Variants in DSCAM observed in about 807,000 individuals in gnomAD.
DSCAM encodes cell adhesion molecule DSCAM.
A neutral mutation model predicts 217.7 loss-of-function variants in DSCAM; 47 were observed. That is an observed-to-expected ratio of 0.22 (90% CI 0.17 to 0.28). The LOEUF is 0.28. Ranked by LOEUF, DSCAM falls within the 10% of genes least tolerant of loss-of-function variation. The pLI is 1.00. For synonymous variants in DSCAM, 1,056 were observed against 1,015.3 expected (o/e 1.04, Z -0.76); for missense variants, 2,080 against 2,618.3 (o/e 0.79, Z 4.49).
intron 11 of DSCAM, among the ~76,000 whole-genome samples, chr21:40,207,723 A>G (rs1334096722): frequency 6.6e-6 from 1 of 152,228 alleles, no homozygotes; most frequent in East Asian, 1.9e-4. Context: ...ATAATAAATT[A>G]TCATGGATTG....
chr21:40,766,239 C>T (rs1253587474), intron 1 of DSCAM, among the ~76,000 whole-genome samples: 2 of 151,768 alleles, frequency 1.3e-5, no homozygotes, highest in Non-Finnish European at 2.9e-5. Flanking sequence ...TGTTAGGACC[C>T]GATTACAAAG....
At chr21:40,098,145 AG>A (rs1898257884) in intron 20 of DSCAM, among the ~76,000 whole-genome samples, 1 of 152,124 alleles carries the variant, frequency 6.6e-6, no homozygotes, top group African/African-American at 2.4e-5. Flanking sequence ...TTAAAAGCAA[AG>A]GATATTACCA....
chr21:40,496,061 T>C (rs1481521791), intron 3 of DSCAM, among the ~76,000 whole-genome samples: 4 of 152,226 alleles, frequency 2.6e-5, no homozygotes, highest in Non-Finnish European at 4.4e-5. Flanking sequence ...TCTATGTTTA[T>C]GGATTGGAAT....
chr21:40,484,236 G>C (rs2076006448), intron 3 of DSCAM, among the ~76,000 whole-genome samples: 1 of 152,220 alleles, frequency 6.6e-6, no homozygotes, highest in African/African-American at 2.4e-5. Flanking sequence ...ATTGTGAAAG[G>C]TGGAAGTGGG....
At chr21:40,663,212 C>A (rs1187420022) in intron 3 of DSCAM, among the ~76,000 whole-genome samples, 1 of 126,870 alleles carries the variant, frequency 7.9e-6, no homozygotes, top group Non-Finnish European at 1.6e-5. Context: ...GAGTGTATGT[C>A]TGTGCATGGT....
chr21:40,303,768 T>C (rs946062783), intron 9 of DSCAM, among the ~76,000 whole-genome samples: 1 of 152,240 alleles, frequency 6.6e-6, no homozygotes, highest in African/African-American at 2.4e-5. Context: ...CAACCTTCTA[T>C]GATTTTCATT....
chr21:40,194,804 T>G (rs962343030), intron 11 of DSCAM, among the ~76,000 whole-genome samples: 1 of 152,168 alleles, frequency 6.6e-6, no homozygotes, highest in East Asian at 1.9e-4. Context: ...TCTGCCCAGC[T>G]TGGCAGTGCA....
intron 3 of DSCAM, among the ~76,000 whole-genome samples, chr21:40,484,012 A>G (rs1041504428): frequency 6.6e-6 from 1 of 152,190 alleles, no homozygotes; most frequent in Non-Finnish European, 1.5e-5. Flanking sequence ...ATAATTACGA[A>G]CTGTTAATTC....
At chr21:40,512,804 T>C (rs73228111) in intron 3 of DSCAM, among the ~76,000 whole-genome samples, 1,867 of 151,896 alleles carry the variant, frequency 0.012, 8 homozygotes, top group Non-Finnish European at 0.018. Flanking sequence ...ACTGCGTCCC[T>C]AGTGGCCATT....
intron 1 of DSCAM, among the ~76,000 whole-genome samples, chr21:40,826,127 A>C (rs1293394553): frequency 6.6e-6 from 1 of 152,256 alleles, no homozygotes; most frequent in Non-Finnish European, 1.5e-5. Context: ...AGAAACCTGA[A>C]GCATGGCAAG....
chr21:40,099,894 T>C (rs998648576), intron 20 of DSCAM, among the ~76,000 whole-genome samples: 5 of 152,184 alleles, frequency 3.3e-5, no homozygotes, highest in African/African-American at 1.2e-4. Context: ...CTCGGAGAAC[T>C]TGGAGTCTGA....
In DSCAM at chr21:40,338,249, A is replaced by G. The variant is rs763528558; in HGVS notation, c.1635T>C (p.Pro545=). The G allele has an allele frequency of 3.6e-5, 58 of 1,614,158 alleles. No individual in the cohort carries two copies. The highest frequency in any genetic ancestry group is 4.8e-5 in the Non-Finnish European group (57 of 1,180,062). Residue 545 remains proline, a synonymous_variant, in exon 8 of 33, where the codon CCT becomes CCC. Coordinates refer to ENST00000400454, the MANE Select transcript of DSCAM (RefSeq NM_001389.5). ...IKWYKNSNLL[P]FNHRQVAFEN... is the part of the protein sequence containing the mutation. ...CAAATGCCACTTGGCGGTGGTTGAA[A>G]GGAAGCAGGTTAGAGTTCTTGTACC...
At chr21:40,475,598 C>T (rs548762965) in intron 3 of DSCAM, among the ~76,000 whole-genome samples, 47 of 152,228 alleles carry the variant, frequency 3.1e-4, no homozygotes, top group Admixed American at 9.8e-4. Context: ...TTTGGGAGGC[C>T]GAGGCAGGCA....
At chr21:40,518,774 T>C (rs1348811977) in intron 3 of DSCAM, among the ~76,000 whole-genome samples, 2 of 150,526 alleles carry the variant, frequency 1.3e-5, no homozygotes, top group Admixed American at 6.7e-5. Flanking sequence ...TCCATCATGA[T>C]ACAACTGTGC....
At chr21:40,311,115 C>G (rs2074132782) in intron 9 of DSCAM, among the ~76,000 whole-genome samples, 1 of 152,144 alleles carries the variant, frequency 6.6e-6, no homozygotes, top group Non-Finnish European at 1.5e-5. Flanking sequence ...ATCTCCTGCT[C>G]AAGAAAGAGC....
chr21:40,811,683 G>A (rs1393213575), intron 1 of DSCAM, among the ~76,000 whole-genome samples: 1 of 152,212 alleles, frequency 6.6e-6, no homozygotes, highest in Non-Finnish European at 1.5e-5. Flanking sequence ...GGGTAACCTG[G>A]AGGCTGAGAG....
intron 22 of DSCAM, among the ~76,000 whole-genome samples, chr21:40,086,640 A>G (rs1211303968): frequency 1.3e-5 from 2 of 152,170 alleles, no homozygotes; most frequent in Non-Finnish European, 2.9e-5. Flanking sequence ...TGGACAGACC[A>G]TATCTCACTC....
At chr21:40,438,884 G>A (rs926502894) in intron 3 of DSCAM, among the ~76,000 whole-genome samples, 5 of 151,996 alleles carry the variant, frequency 3.3e-5, no homozygotes, top group Admixed American at 1.3e-4. Flanking sequence ...TGCCAATATC[G>A]ACATCTTAGA....
At chr21:40,766,684 AAAAAC>A (rs1177101311) in intron 1 of DSCAM, among the ~76,000 whole-genome samples, 109 of 122,894 alleles carry the variant, frequency 8.9e-4, no homozygotes, top group African/African-American at 3.4e-3. Context: ...AAAAAAAAAA[AAAAAC>A]AACTTTTTTT....
Sources: allele counts gnomAD v4.1 joint callset (sites outside exome capture counted in the v4.1 genomes callset), GRCh38; gene constraint gnomAD v4.1.1; transcripts MANE v1.5; gene names NCBI Gene and HGNC (gene_info 2026-07-23, HGNC 2026-07-21).